The following S100PBP variants were observed in gnomAD, a reference collection of about 807,000 sequenced individuals.
S100PBP encodes the protein S100P-binding protein.
A neutral mutation model predicts 39.9 loss-of-function variants in S100PBP; 15 were observed. The ratio of observed to expected loss-of-function variants is 0.38; its 90% confidence interval spans 0.25 to 0.58. The LOEUF (loss-of-function observed/expected upper bound fraction) is 0.58. S100PBP is among the 20% of genes least tolerant of loss of function. The probability of loss-of-function intolerance (pLI) is 0.70; values close to 1 mark genes in which losing one functional copy is unlikely to be tolerated. For missense variants in S100PBP, 504 were observed against 487.3 expected, an observed-to-expected ratio of 1.03 and a Z score of -0.32; for synonymous variants, 178 against 180.3, an observed-to-expected ratio of 0.99 and a Z score of 0.10.
chr1:32,835,511 C>A (rs1191888053), intron 5 of S100PBP: 3 of 152,008 alleles, frequency 2.0e-5, no homozygotes, highest in Non-Finnish European at 4.4e-5. Flanking sequence ...ATCTCCAGAA[C>A]CTCTTCATCT....
chr1:32,827,791 T>G (rs1350926348), intron 3 of S100PBP, among the ~76,000 whole-genome samples: 14 of 150,464 alleles, frequency 9.3e-5, no homozygotes, highest in Admixed American at 6.0e-4. Context: ...AGGTTTTTTT[T>G]TTTTTTTTTT....
rs140785692 is a variant in S100PBP, at chr1:32,839,525, T to G, written c.1024+9458T>G. Among the ~76,000 whole-genome samples the G allele has an allele frequency of 1.6e-3, 251 of 152,284 alleles. 2 individuals are homozygous for G. Among genetic ancestry groups the G allele is most frequent in the African/African-American group, 5.8e-3 (242 of 41,546 alleles). ...AGGAATTGCTAGATCATATGCTAAT[T>G]CTATTTTTATTTTTATTTTTGACAT... On this transcript the variant is annotated intron_variant, in intron 5 of 6. Transcript: ENST00000373475.
chr1:32,834,922 T>A (rs1639750047), intron 5 of S100PBP: 1 of 151,994 alleles, frequency 6.6e-6, no homozygotes, highest in Non-Finnish European at 1.5e-5. Context: ...AGATGGATCA[T>A]CTGAGGTCAG....
At chr1:32,829,871 A>G (rs1639514830) in intron 4 of S100PBP, 93 bp from the exon 5 acceptor site, 2 of 827,114 alleles carry the variant, frequency 2.4e-6, no homozygotes, top group Non-Finnish European at 4.0e-6. Flanking sequence ...ACTTAGTTCT[A>G]ATCAATCAGC....
intron 5 of S100PBP, among the ~76,000 whole-genome samples, chr1:32,837,513 C>A (rs139751114): frequency 7.2e-6 from 1 of 139,118 alleles, no homozygotes; most frequent in African/African-American, 2.7e-5. Context: ...TGCGGTGAGC[C>A]GAGATCGCGC....
intron 5 of S100PBP, among the ~76,000 whole-genome samples, chr1:32,832,210 A>G (rs1038946637): frequency 1.3e-5 from 2 of 152,358 alleles, no homozygotes; most frequent in Admixed American, 6.5e-5. Flanking sequence ...AACAGTACCT[A>G]GCTCTAGTAA....
chr1:32,835,743 T>A (rs1211823358), intron 5 of S100PBP: 3 of 152,136 alleles, frequency 2.0e-5, no homozygotes, highest in Non-Finnish European at 4.4e-5. Context: ...CCTTCCTTTT[T>A]AAATATTTTT....
chr1:32,845,517 T>A (rs1454354152), intron 5 of S100PBP, among the ~76,000 whole-genome samples: 1 of 152,022 alleles, frequency 6.6e-6, no homozygotes, highest in Non-Finnish European at 1.5e-5. Context: ...AGTGCCACAA[T>A]TACAGGCATG....
At chr1:32,851,884 G>A (rs1640625036) in intron 5 of S100PBP, among the ~76,000 whole-genome samples, 1 of 152,100 alleles carries the variant, frequency 6.6e-6, no homozygotes, top group African/African-American at 2.4e-5. Context: ...GCGAACCACT[G>A]GTCTAGGGAA....
chr1:32,827,783 G>GGTTTTTTTTTTT (rs1281476870), intron 3 of S100PBP, among the ~76,000 whole-genome samples: 2 of 130,426 alleles, frequency 1.5e-5, no homozygotes, highest in Non-Finnish European at 1.6e-5. Context: ...ACCTGGCCAG[G>GGTTTTTTTTTTT]TTTTTTTTTT....
chr1:32,820,615 T>C (rs1639011814), intron 1 of S100PBP: 1 of 152,220 alleles, frequency 6.6e-6, no homozygotes, highest in African/African-American at 2.4e-5. Context: ...TACTGTGATA[T>C]ATGAGGACAT....
chr1:32,854,666 A>G (rs1640753679), intron 6 of S100PBP, among the ~76,000 whole-genome samples: 1 of 152,200 alleles, frequency 6.6e-6, no homozygotes, highest in Admixed American at 6.5e-5. Context: ...TTAAAGCATA[A>G]ATCACATTTG....
At chr1:32,822,357 A>C (rs1639110524) in intron 1 of S100PBP, among the ~76,000 whole-genome samples, 3 of 152,208 alleles carry the variant, frequency 2.0e-5, no homozygotes, top group African/African-American at 7.2e-5. Context: ...TCACGCCTGT[A>C]ATCCCAGCAC....
Position 32,826,502 on chromosome 1 carries a change from A to G in S100PBP, c.403A>G (p.Arg135Gly). The G allele has an allele frequency of 6.2e-7, 1 of 1,614,196 alleles. No individual in the cohort carries two copies. Among genetic ancestry groups the G allele is most frequent in the Non-Finnish European group, 8.5e-7 (1 of 1,180,040 alleles). ...HGPAHTKPLN[R>G]RSVLEKNLIK... ...ACCAGCTCATACTAAACCATTAAACAGACGCTCTGTACTAGAAAAGAATCT... is the reference window on the plus strand; with the variant it reads ...ACCAGCTCATACTAAACCATTAAACGGACGCTCTGTACTAGAAAAGAATCT... Residue 135 changes from arginine (R) to glycine (G), a missense_variant, in exon 3 of 7, where the codon AGA becomes GGA. Coordinates refer to ENST00000373475, the MANE Select transcript of S100PBP (RefSeq NM_022753.4).
chr1:32,847,911 C>T (rs1253849923), intron 5 of S100PBP, among the ~76,000 whole-genome samples: 1 of 152,046 alleles, frequency 6.6e-6, no homozygotes, highest in Non-Finnish European at 1.5e-5. Context: ...CTTTAAGTAA[C>T]TGAGTTTAAG....
intron 1 of S100PBP, among the ~76,000 whole-genome samples, chr1:32,824,027 T>A (rs1294229851): frequency 6.6e-6 from 1 of 152,086 alleles, no homozygotes; most frequent in African/African-American, 2.4e-5. Context: ...TGAAACCCCA[T>A]CTCTACTAAA....
intron 6 of S100PBP, 71 bp from the exon 7 acceptor site, chr1:32,855,852 GC>G (rs1467702933): frequency 1.2e-6 from 1 of 820,426 alleles, no homozygotes. Flanking sequence ...TGTTGTGCTG[GC>G]CTTTTTTTGT....
intron 1 of S100PBP, among the ~76,000 whole-genome samples, chr1:32,823,149 C>T (rs1445841519): frequency 6.6e-6 from 1 of 152,190 alleles, no homozygotes; most frequent in Non-Finnish European, 1.5e-5. Flanking sequence ...ATCTATTGAA[C>T]TCTCCATTTG....
At chr1:32,855,344 C>T (rs1473695754) in intron 6 of S100PBP, among the ~76,000 whole-genome samples, 1 of 152,194 alleles carries the variant, frequency 6.6e-6, no homozygotes, top group Non-Finnish European at 1.5e-5. Flanking sequence ...CAGATTATCT[C>T]AGAGCGTCTT....
Sources: gnomAD v4.1 joint callset for allele counts (sites outside exome capture counted in the v4.1 genomes callset) on GRCh38, gnomAD v4.1.1 for gene constraint, MANE v1.5 for transcripts, NCBI Gene and HGNC (gene_info 2026-07-23, HGNC 2026-07-21) for gene names.